Variants in KIRREL3 observed in about 807,000 individuals in gnomAD.
KIRREL3 encodes kin of IRRE-like protein 3.
In KIRREL3, 36 loss-of-function variants were observed where a neutral mutation model predicts 89.7. That is an observed-to-expected ratio of 0.40 (90% CI 0.31 to 0.53). KIRREL3 has a LOEUF of 0.53. Among genes scored for constraint, KIRREL3 ranks in the 20% least tolerant of loss-of-function variants. The probability of loss-of-function intolerance (pLI) is 0.49; values close to 1 mark genes in which losing one functional copy is unlikely to be tolerated. For missense variants in KIRREL3, 864 were observed against 1,056.6 expected (o/e 0.82, Z 2.53); for synonymous variants, 445 against 441.4 (o/e 1.01, Z -0.10).
intron 1 of KIRREL3, among the ~76,000 whole-genome samples, chr11:126,810,419 C>A (rs1951342802): frequency 6.6e-6 from 1 of 152,158 alleles, no homozygotes; most frequent in South Asian, 2.1e-4. Flanking sequence ...GCTGGGAGGC[C>A]TTTCTTCTGG....
At position 126,900,162 on chromosome 11, in the gene KIRREL3, T is replaced by C. The variant is rs1200146092; in HGVS notation, c.55+100293A>G. 6.6e-6 allele frequency among the ~76,000 whole-genome samples: 1 copy of C among 152,220 alleles called. No individual in the cohort carries two copies. The highest frequency in any genetic ancestry group is 1.5e-5 in the Non-Finnish European group (1 of 68,044). On this transcript the variant is annotated intron_variant, in intron 1 of 16. Transcript: ENST00000525144. This position sits in a 1 kb window ranked among gnomAD's most constrained non-coding sequence, Gnocchi z 4.4. ...CTAAATGTGAGTGTATCTGTTCCCA[T>C]GTGTGTAAATATACAGCTCTCATGT...
chr11:126,515,188 G>T lies in KIRREL3; in HGVS notation c.433+6127C>A, dbSNP rs1229953532. On this transcript the variant is annotated intron_variant, in intron 4 of 16. Coordinates refer to ENST00000525144, the MANE Select transcript of KIRREL3 (RefSeq NM_032531.4). The surrounding 1 kb of genome is among the most constrained non-coding windows in gnomAD (Gnocchi z 4.2). ...TGTAATCTCAGCATTTTAGGAGGCTGAGTTGGGTGGATCCCTTGAGCCCAG... is the reference window on the plus strand; with the variant it reads ...TGTAATCTCAGCATTTTAGGAGGCTTAGTTGGGTGGATCCCTTGAGCCCAG... 6.6e-6 allele frequency among the ~76,000 whole-genome samples: 1 copy of T among 152,224 alleles called. No homozygotes were observed. Among genetic ancestry groups the T allele is most frequent in the Non-Finnish European group, 1.5e-5 (1 of 68,038 alleles).
intron 2 of KIRREL3, among the ~76,000 whole-genome samples, chr11:126,534,745 C>T (rs544501191): frequency 2.0e-5 from 3 of 152,318 alleles, no homozygotes; most frequent in African/African-American, 4.8e-5. Flanking sequence ...GGGTCTGCCA[C>T]CCCCTCGTGC....
intron 1 of KIRREL3, among the ~76,000 whole-genome samples, chr11:126,589,909 A>G (rs1182248252): frequency 6.6e-6 from 1 of 152,140 alleles, no homozygotes. Context: ...GGCTCTACTC[A>G]GTTACTCCTG....
chr11:126,497,956 C>T (rs58718823), intron 4 of KIRREL3, among the ~76,000 whole-genome samples: 41,674 of 145,810 alleles, frequency 0.29, 6,397 homozygotes, highest in Middle Eastern at 0.38. Flanking sequence ...GTGGAATACA[C>T]ACAGCCCCTT....
Position 126,977,524 on chromosome 11 carries a change from C to G in KIRREL3, c.55+22931G>C, listed in dbSNP as rs534081205. On this transcript the variant is annotated intron_variant, in intron 1 of 16. Coordinates refer to ENST00000525144, the MANE Select transcript of KIRREL3 (RefSeq NM_032531.4). This position sits in a 1 kb window ranked among gnomAD's most constrained non-coding sequence, Gnocchi z 4.7. ...TAGCATCCACTTTCTTTCGAGATTC[C>G]CATTATATTAATTCAATCATTCCTG... Among the ~76,000 whole-genome samples the G allele has an allele frequency of 4.1e-4, 62 of 152,216 alleles. No homozygotes were observed. Among genetic ancestry groups the G allele is most frequent in the Non-Finnish European group, 7.4e-4 (50 of 68,014 alleles).
chr11:126,470,256 G>A (rs1342778249), intron 5 of KIRREL3, among the ~76,000 whole-genome samples: 9 of 152,240 alleles, frequency 5.9e-5, no homozygotes, highest in African/African-American at 2.2e-4. Flanking sequence ...CAGGTGCTCA[G>A]ACTGGAAGGA....
chr11:126,603,522 C>T (rs1942753037), intron 1 of KIRREL3, among the ~76,000 whole-genome samples: 1 of 152,256 alleles, frequency 6.6e-6, no homozygotes, highest in African/African-American at 2.4e-5. Context: ...ACACAGAAAC[C>T]TCAATGGCTG....
chr11:126,855,245 T>C (rs1420125772), intron 1 of KIRREL3, among the ~76,000 whole-genome samples: 1 of 152,172 alleles, frequency 6.6e-6, no homozygotes, highest in Admixed American at 6.5e-5. Context: ...GGTGATTGGA[T>C]CATGTGGGCA....
At chr11:126,458,825 T>TA (rs1226452778) in intron 6 of KIRREL3, among the ~76,000 whole-genome samples, 13 of 152,280 alleles carry the variant, frequency 8.5e-5, no homozygotes, top group Non-Finnish European at 1.3e-4. Context: ...AAGATGGGGT[T>TA]ACAAGGAATA....
intron 1 of KIRREL3, among the ~76,000 whole-genome samples, chr11:126,923,194 T>TCTTCTTCTTCTTCTTCTC (rs1947471757): frequency 1.0e-4 from 1 of 9,920 alleles, no homozygotes; most frequent in Non-Finnish European, 1.5e-4. Flanking sequence ...CTTCTCTTCT[T>TCTTCTTCTTCTTCTTCTC]CTTCTTCTTC....
chr11:126,845,162 G>T (rs1944097676), intron 1 of KIRREL3, among the ~76,000 whole-genome samples: 1 of 152,104 alleles, frequency 6.6e-6, no homozygotes, highest in East Asian at 1.9e-4. Flanking sequence ...TCTATGTTTT[G>T]TCACATGTAT....
intron 5 of KIRREL3, among the ~76,000 whole-genome samples, chr11:126,465,678 G>A (rs745882754): frequency 2.3e-4 from 35 of 152,194 alleles, no homozygotes; most frequent in Non-Finnish European, 4.4e-4. Context: ...TGGGACTCAG[G>A]GTGCCAGCCA....
intron 10 of KIRREL3, among the ~76,000 whole-genome samples, chr11:126,444,303 G>C (rs34571660): frequency 0.067 from 10,198 of 152,304 alleles, 392 homozygotes; most frequent in African/African-American, 0.09. Flanking sequence ...CACGCATTGG[G>C]AAGAGGCTGA....
In KIRREL3 at chr11:126,946,314, G is replaced by A. The variant is rs563225786; in HGVS notation, c.55+54141C>T. ...CCAGCCACTCTTGTCATCTGGAAGG[G>A]AAGATTTGGTTGCTACAACATGCCA... is the stretch of plus-strand genomic sequence containing the variant. On this transcript the variant is annotated intron_variant, in intron 1 of 16. Transcript: ENST00000525144. This position sits in a 1 kb window ranked among gnomAD's most constrained non-coding sequence, Gnocchi z 4.1. Among the ~76,000 whole-genome samples, 6 of 152,292 alleles carry A rather than the reference G, an allele frequency of 3.9e-5. No homozygotes were observed. The highest frequency in any genetic ancestry group is 1.4e-4 in the African/African-American group (6 of 41,560).
chr11:126,608,579 C>T lies in KIRREL3; in HGVS notation c.56-45667G>A, dbSNP rs147261138. Among the ~76,000 whole-genome samples, 29 of 152,178 alleles carry T rather than the reference C, an allele frequency of 1.9e-4. No homozygotes were observed. The highest frequency in any genetic ancestry group is 5.8e-4 in the East Asian group (3 of 5,182). On this transcript the variant is annotated intron_variant, in intron 1 of 16. Transcript: ENST00000525144. The surrounding 1 kb of genome is among the most constrained non-coding windows in gnomAD (Gnocchi z 4.9). ...CCTCCCCAAATGGCTCCCTTAATCA[C>T]GAGCTGCTTTCTTCTGAGCTCAATA...
intron 1 of KIRREL3, among the ~76,000 whole-genome samples, chr11:126,604,073 C>G (rs1205607888): frequency 6.6e-6 from 1 of 152,136 alleles, no homozygotes; most frequent in Non-Finnish European, 1.5e-5. Context: ...TTTATCCTTC[C>G]TCCCTCCCTT....
At position 126,425,005 on chromosome 11, in the gene KIRREL3, A is replaced by G; in HGVS notation, c.1912T>C (p.Tyr638His). The G allele has an allele frequency of 6.5e-7, 1 of 1,545,428 alleles. No individual in the cohort carries two copies. The highest frequency in any genetic ancestry group is 8.7e-7 in the Non-Finnish European group (1 of 1,144,372). The change falls in exon 17 of 17, where the codon TAC becomes CAC. Residue 638 changes from tyrosine (Y) to histidine (H), a missense_variant. Tyr to His is a moderately conservative substitution (Grantham distance 83). Coordinates refer to ENST00000525144, the MANE Select transcript of KIRREL3 (RefSeq NM_032531.4). ...QNLKDPTNGY[Y>H]SVNTFKEHHS... ...TGCTCTTTGAAGGTGTTGACGCTGT[A>G]GTAGCCATTGGTGGGGTCCTGGATG... is the stretch of plus-strand genomic sequence containing the variant.
intron 1 of KIRREL3, among the ~76,000 whole-genome samples, chr11:126,654,562 C>T (rs111881176): frequency 2.0e-5 from 3 of 152,010 alleles, no homozygotes; most frequent in Admixed American, 6.5e-5. Context: ...ATGTAGGAAG[C>T]GCTTTTGCTT....
Sources: allele counts gnomAD v4.1 joint callset (sites outside exome capture counted in the v4.1 genomes callset), GRCh38; gene constraint gnomAD v4.1.1; non-coding constraint Gnocchi (gnomAD v3.1); transcripts MANE v1.5; gene names NCBI Gene and HGNC (gene_info 2026-07-23, HGNC 2026-07-21).